The following TRIM54 variants were observed in gnomAD, a reference collection of about 807,000 sequenced individuals.
The protein encoded by TRIM54 is tripartite motif containing 54, also known as tripartite motif-containing protein 54.
Under a neutral mutation model 42.0 loss-of-function variants are expected in TRIM54, and 40 were observed. The ratio of observed to expected loss-of-function variants is 0.95; its 90% confidence interval spans 0.74 to 1.24. The LOEUF (loss-of-function observed/expected upper bound fraction) is 1.24, where lower values mean the gene tolerates loss of function less well. Among genes scored for constraint, TRIM54 ranks in the 50% most tolerant of loss-of-function variants. The pLI is 0.00. For synonymous variants in TRIM54, 199 were observed against 194.9 expected (o/e 1.02, Z -0.17); for missense variants, 485 against 480.3 (o/e 1.01, Z -0.09).
chr2:27,304,223 T>TAGATAG (rs1558590492), intron 3 of TRIM54, among the ~76,000 whole-genome samples: 18 of 139,284 alleles, frequency 1.3e-4, no homozygotes, highest in African/African-American at 3.9e-4. Context: ...AATATATATA[T>TAGATAG]ATAGATAGAT....
At chr2:27,299,953 G>A (rs1344751819) in intron 3 of TRIM54, among the ~76,000 whole-genome samples, 8 of 151,536 alleles carry the variant, frequency 5.3e-5, no homozygotes, top group African/African-American at 1.9e-4. Flanking sequence ...AATTACAGGT[G>A]TGAGCCACTG....
At chr2:27,303,067 T>C (rs1390773248) in intron 3 of TRIM54, among the ~76,000 whole-genome samples, 3 of 152,024 alleles carry the variant, frequency 2.0e-5, no homozygotes, top group African/African-American at 7.3e-5. Flanking sequence ...TTATATTGCT[T>C]GGTACATAGA....
Position 27,298,713 on chromosome 2 carries a change from C to A in TRIM54, c.315C>A (p.Ile105=). 1 of 1,614,060 alleles carries A rather than the reference C, an allele frequency of 6.2e-7. No individual in the cohort carries two copies. Among genetic ancestry groups the A allele is most frequent in the Non-Finnish European group, 8.5e-7 (1 of 1,179,974 alleles). The change falls in exon 2 of 9, where the codon ATC becomes ATA. Residue 105 remains isoleucine (I), a synonymous_variant. Transcript: ENST00000380075. The stretch of plus-strand genomic sequence containing the variant: ...GAAACCTGCTAGTGGAGAACATTAT[C>A]GACATTTACAAGCAGGAGTCATCCA... ...LQRNLLVENI[I]DIYKQESSRP...
intron 3 of TRIM54, among the ~76,000 whole-genome samples, chr2:27,303,544 C>CA (rs745331056): frequency 2.5e-4 from 38 of 150,144 alleles, no homozygotes; most frequent in Non-Finnish European, 4.9e-4. Flanking sequence ...GGAGAGACTC[C>CA]GTCTAAAAAA....
intron 3 of TRIM54, among the ~76,000 whole-genome samples, chr2:27,302,942 T>C (rs1249615047): frequency 6.6e-6 from 1 of 152,172 alleles, no homozygotes; most frequent in Non-Finnish European, 1.5e-5. Context: ...TGAAAGTAGC[T>C]ATAAGGATAA....
At chr2:27,289,510 T>A (rs1352370854) in intron 1 of TRIM54, among the ~76,000 whole-genome samples, 2 of 152,180 alleles carry the variant, frequency 1.3e-5, no homozygotes, top group East Asian at 3.9e-4. Context: ...GAGACAGGGT[T>A]TCTCCATGTT....
chr2:27,300,345 G>A (rs1678995408), intron 3 of TRIM54, among the ~76,000 whole-genome samples: 1 of 151,724 alleles, frequency 6.6e-6, no homozygotes, highest in Non-Finnish European at 1.5e-5. Context: ...CTAATTTTTT[G>A]TATTTTTAGT....
In TRIM54 at chr2:27,305,061, C is replaced by G; in HGVS notation, c.609+7C>G. 6.2e-7 allele frequency: 1 copy of G among 1,612,798 alleles called. No individual in the cohort carries two copies. The highest frequency in any genetic ancestry group is 8.5e-7 in the Non-Finnish European group (1 of 1,179,252). ...GGTGTGCCAGACTATCGAGGTGAGCCTGGGCTGGAGGGAGGGAGGAACAGC... is the reference window on the plus strand; with the variant it reads ...GGTGTGCCAGACTATCGAGGTGAGCGTGGGCTGGAGGGAGGGAGGAACAGC... On this transcript the variant is annotated splice_region_variant and intron_variant, in intron 4 of 8. Transcript: ENST00000380075.
intron 1 of TRIM54, among the ~76,000 whole-genome samples, chr2:27,294,947 G>A (rs1009012559): frequency 6.6e-6 from 1 of 150,858 alleles, no homozygotes; most frequent in African/African-American, 2.4e-5. Context: ...TGAGGATTAA[G>A]TGAATTAATA....
At position 27,282,808 on chromosome 2, in the gene TRIM54, G is replaced by A. The variant is rs1678419407; in HGVS notation, c.77G>A (p.Cys26Tyr). 1 of 1,614,062 alleles carries A rather than the reference G, an allele frequency of 6.2e-7. No individual in the cohort carries two copies. The highest frequency in any genetic ancestry group is 8.5e-7 in the Non-Finnish European group (1 of 1,179,964). Residue 26 changes from cysteine (C) to tyrosine (Y), a missense_variant, in exon 1 of 9, where the codon TGC (cysteine) becomes TAC (tyrosine). By Grantham distance (194) the Cys-to-Tyr change is radical (BLOSUM62 -2). Coordinates refer to ENST00000380075, the MANE Select transcript of TRIM54 (RefSeq NM_187841.3). The part of the protein sequence containing the change: ...SMDNLEKQLI[C>Y]PICLEMFSKP... ...GACAACCTGGAGAAGCAGCTCATCT[G>A]CCCCATCTGCCTGGAGATGTTCTCC...
chr2:27,293,078 A>G (rs1443342429), intron 1 of TRIM54, among the ~76,000 whole-genome samples: 3 of 152,062 alleles, frequency 2.0e-5, no homozygotes, highest in Non-Finnish European at 4.4e-5. Flanking sequence ...TCGAAATGGT[A>G]TTGATTCTTG....
intron 3 of TRIM54, 122 bp from the exon 4 acceptor site, chr2:27,304,837 T>C: frequency 1.4e-6 from 1 of 702,316 alleles, no homozygotes; most frequent in Non-Finnish European, 2.5e-6. Context: ...TAGATTGCTG[T>C]AGATGCCCTT....
chr2:27,307,115 G>A lies in TRIM54; in HGVS notation c.*230G>A. 1 of 250,184 alleles carries A rather than the reference G, an allele frequency of 4.0e-6. No homozygotes were observed. The highest frequency in any genetic ancestry group is 7.8e-6 in the Non-Finnish European group (1 of 129,000). The allele number at this position is 250,184 out of a possible 1,614,324, so 15.5% of individuals were successfully genotyped here. On this transcript the variant is annotated 3_prime_UTR_variant, in exon 9 of 9. Coordinates refer to ENST00000380075, the MANE Select transcript of TRIM54 (RefSeq NM_187841.3). This position sits in a 1 kb window ranked among gnomAD's most constrained non-coding sequence, Gnocchi z 6.9. Reference sequence around the variant, plus strand: ...AGAACCTGAGACCGTCTGGGGGGCGGAAGCCAAATGAACCCCTATTGGGCA... The same window carrying A: ...AGAACCTGAGACCGTCTGGGGGGCGAAAGCCAAATGAACCCCTATTGGGCA...
At chr2:27,296,655 G>A (rs896809721) in intron 1 of TRIM54, among the ~76,000 whole-genome samples, 2 of 152,126 alleles carry the variant, frequency 1.3e-5, no homozygotes, top group East Asian at 1.9e-4. Context: ...CATGAAAGAC[G>A]GTTTGTGCAA....
At chr2:27,289,238 A>G (rs1204697185) in intron 1 of TRIM54, among the ~76,000 whole-genome samples, 1 of 152,208 alleles carries the variant, frequency 6.6e-6, no homozygotes, top group Non-Finnish European at 1.5e-5. Context: ...AAATGCATGC[A>G]ATATAATACA....
At chr2:27,284,369 G>A (rs911826588) in intron 1 of TRIM54, among the ~76,000 whole-genome samples, 13 of 152,150 alleles carry the variant, frequency 8.5e-5, no homozygotes, top group Admixed American at 7.9e-4. Flanking sequence ...ATCCCACAAT[G>A]TACCCTGTGA....
Position 27,306,880 on chromosome 2 carries a change from G to T in TRIM54, c.*2-7G>T. ...CCCGCCCACCGAGCCTTCTTTCCCG[G>T]GCACAGGCCTGCGCCGACCCGACCC... On this transcript the variant is annotated splice_polypyrimidine_tract_variant and splice_region_variant and intron_variant, in intron 8 of 8. Transcript: ENST00000380075. The surrounding 1 kb of genome is among the most constrained non-coding windows in gnomAD (Gnocchi z 6.1). 2.4e-6 allele frequency: 1 copy of T among 421,606 alleles called. No individual in the cohort carries two copies. Among genetic ancestry groups the T allele is most frequent in the South Asian group, 3.1e-5 (1 of 32,760 alleles). 26.1% of individuals were successfully genotyped at this position (421,606 alleles called of 1,614,324 possible).
intron 1 of TRIM54, among the ~76,000 whole-genome samples, chr2:27,294,403 G>A (rs1318819182): frequency 2.0e-5 from 3 of 151,960 alleles, no homozygotes; most frequent in Admixed American, 1.3e-4. Flanking sequence ...TTACAGTCAT[G>A]AGCCACCGTG....
chr2:27,303,282 G>C (rs181198569), intron 3 of TRIM54, among the ~76,000 whole-genome samples: 5 of 152,150 alleles, frequency 3.3e-5, no homozygotes, highest in Non-Finnish European at 5.9e-5. Context: ...CCGGCTGGGC[G>C]CAGTGGCTCA....
Sources: gnomAD v4.1 joint callset for allele counts (sites outside exome capture counted in the v4.1 genomes callset) on GRCh38, gnomAD v4.1.1 for gene constraint, Gnocchi (gnomAD v3.1) non-coding constraint, MANE v1.5 for transcripts, NCBI Gene and HGNC (gene_info 2026-07-23, HGNC 2026-07-21) for gene names.